CIMIP7: variants seen among roughly 807,000 people sequenced by gnomAD.
The protein encoded by CIMIP7 is uncharacterized protein C3orf84.
the CIMIP7 span, among the ~76,000 whole-genome samples, chr3:49,179,601 C>T: frequency 2.6e-5 from 4 of 152,146 alleles, no homozygotes; most frequent in African/African-American, 4.8e-5. Context: ...CATATAATTC[C>T]CTCACACCTC....
chr3:49,187,862 C>A, the CIMIP7 span, among the ~76,000 whole-genome samples: 4 of 152,164 alleles, frequency 2.6e-5, 1 homozygote, highest in African/African-American at 9.7e-5. Flanking sequence ...TTTATATAAC[C>A]TGAATCCAAG....
chr3:49,188,540 A>T, the CIMIP7 span, among the ~76,000 whole-genome samples: 2 of 152,040 alleles, frequency 1.3e-5, no homozygotes, highest in Admixed American at 1.3e-4. Context: ...CCACCTGGCT[A>T]TGTCTCTGTA....
chr3:49,179,266 C>T, the CIMIP7 span, among the ~76,000 whole-genome samples: 1 of 152,178 alleles, frequency 6.6e-6, no homozygotes, highest in African/African-American at 2.4e-5. Flanking sequence ...CTCTTTTCCC[C>T]GATCCAAGCC....
chr3:49,185,264 G>C, the CIMIP7 span, among the ~76,000 whole-genome samples: 1 of 140,096 alleles, frequency 7.1e-6, no homozygotes, highest in East Asian at 2.1e-4. Context: ...CTGTCTTAAA[G>C]AAAAAAAAAA....
the CIMIP7 span, among the ~76,000 whole-genome samples, chr3:49,180,855 G>A: frequency 2.0e-5 from 3 of 149,364 alleles, no homozygotes; most frequent in Admixed American, 2.0e-4. Context: ...GCGTGAACCC[G>A]GGAGGTGGAG....
At chr3:49,190,687 T>TTTTTTA in the CIMIP7 span, among the ~76,000 whole-genome samples, 1 of 145,148 alleles carries the variant, frequency 6.9e-6, no homozygotes, top group African/African-American at 2.6e-5. Context: ...TTTTTTTTTT[T>TTTTTTA]GAGACGGAGT....
At chr3:49,188,561 CTGATCCTGTCAGGG>C in the CIMIP7 span, among the ~76,000 whole-genome samples, 1 of 152,168 alleles carries the variant, frequency 6.6e-6, no homozygotes, top group Non-Finnish European at 1.5e-5. Context: ...CCTAGGATCA[CTGATCCTGTCAGGG>C]TGACCCTTTT....
the CIMIP7 span, chr3:49,189,951 G>A: frequency 2.8e-6 from 3 of 1,069,196 alleles, no homozygotes; most frequent in Admixed American, 3.4e-5. Context: ...GAAGGGCTGG[G>A]ATGATGCTTT....
At chr3:49,187,000 T>C in the CIMIP7 span, among the ~76,000 whole-genome samples, 1 of 152,170 alleles carries the variant, frequency 6.6e-6, no homozygotes, top group South Asian at 2.1e-4. Flanking sequence ...ACCCCCAAAT[T>C]TCTCCCATTG....
the CIMIP7 span, chr3:49,190,037 C>T: frequency 1.9e-6 from 3 of 1,613,762 alleles, no homozygotes; most frequent in Non-Finnish European, 2.5e-6. Flanking sequence ...GACATCGCTG[C>T]AGGAACACTG....
chr3:49,178,411 C>T, the CIMIP7 span: 100 of 1,410,360 alleles, frequency 7.1e-5, no homozygotes, highest in Non-Finnish European at 9.5e-5. Flanking sequence ...CTCCACCCTA[C>T]CATCTGCTCT....
the CIMIP7 span, among the ~76,000 whole-genome samples, chr3:49,183,095 A>C: frequency 9.2e-5 from 14 of 152,220 alleles, no homozygotes; most frequent in Non-Finnish European, 4.4e-5. Context: ...GGGCTCCTCA[A>C]GTGCCCCAAA....
the CIMIP7 span, among the ~76,000 whole-genome samples, chr3:49,187,893 G>C: frequency 6.6e-6 from 1 of 152,092 alleles, no homozygotes; most frequent in Non-Finnish European, 1.5e-5. Flanking sequence ...TGCTACTTGG[G>C]GCTGCTGATA....
At chr3:49,182,728 G>T in the CIMIP7 span, among the ~76,000 whole-genome samples, 1 of 152,188 alleles carries the variant, frequency 6.6e-6, no homozygotes, top group African/African-American at 2.4e-5. Context: ...GGCGCTTGTT[G>T]GGGAGGCTCG....
At chr3:49,181,172 T>C in the CIMIP7 span, among the ~76,000 whole-genome samples, 5 of 150,460 alleles carry the variant, frequency 3.3e-5, no homozygotes, top group African/African-American at 9.8e-5. Context: ...TGAAACCTTG[T>C]CTCTACTGAA....
At chr3:49,184,203 T>G in the CIMIP7 span, among the ~76,000 whole-genome samples, 1 of 152,252 alleles carries the variant, frequency 6.6e-6, no homozygotes, top group East Asian at 1.9e-4. Context: ...CTCATTATGT[T>G]GCACAGGCTG....
chr3:49,182,179 C>T, the CIMIP7 span, among the ~76,000 whole-genome samples: 8 of 152,192 alleles, frequency 5.3e-5, no homozygotes, highest in Admixed American at 1.3e-4. Flanking sequence ...AAGAACAAAG[C>T]CTCCACAGCG....
chr3:49,182,615 G>T, the CIMIP7 span, among the ~76,000 whole-genome samples: 1 of 152,222 alleles, frequency 6.6e-6, no homozygotes, highest in Non-Finnish European at 1.5e-5. Flanking sequence ...AGTGGATCCC[G>T]CACTGGGGCT....
chr3:49,190,111 T>G, the CIMIP7 span: 1 of 1,607,742 alleles, frequency 6.2e-7, no homozygotes, highest in Non-Finnish European at 8.5e-7. Context: ...AATTGGCTTC[T>G]GTAGTGCCCA....
Sources: gnomAD v4.1 joint callset for allele counts (sites outside exome capture counted in the v4.1 genomes callset) on GRCh38, gnomAD v4.1.1 for gene constraint, MANE v1.5 for transcripts, NCBI Gene and HGNC (gene_info 2026-07-23, HGNC 2026-07-21) for gene names.